Variants in TNN observed in about 807,000 individuals in gnomAD.
TNN encodes tenascin N.
Under a neutral mutation model 134.4 loss-of-function variants are expected in TNN, and 122 were observed. The ratio of observed to expected loss-of-function variants is 0.91; its 90% CI spans 0.78 to 1.06. TNN has a LOEUF of 1.06. Among genes scored for constraint, TNN ranks in the 50% least tolerant of loss-of-function variants. TNN has a pLI of 0.00. For missense variants in TNN, 1,739 were observed against 1,699.4 expected (o/e 1.02, Z -0.41); for synonymous variants, 710 against 670.3 (o/e 1.06, Z -0.91).
At chr1:175,116,916 T>G in intron 9 of TNN, 23 bp from the exon 10 acceptor site, 1 of 1,614,230 alleles carries the variant, frequency 6.2e-7, no homozygotes, top group Middle Eastern at 1.6e-4. Context: ...TAGTGTTCAT[T>G]GATCAGCAAT....
Position 175,117,039 on chromosome 1 carries a change from G to A in TNN, c.2220G>A (p.Val740=). The change falls in exon 10 of 19, where the codon GTG becomes GTA. Residue 740 remains valine (V), a synonymous_variant. Coordinates refer to ENST00000239462, the MANE Select transcript of TNN (RefSeq NM_022093.2). The part of the protein sequence containing the change: ...PVRATIDRYV[V]RYTSAKDGET... ...GGGCCACCATTGACAGGTATGTGGT[G>A]CGCTACACCTCTGCCAAGGACGGAG... The A allele has an allele frequency of 6.2e-7, 1 of 1,614,218 alleles. No homozygotes were observed. Among genetic ancestry groups the A allele is most frequent in the East Asian group, 2.2e-5 (1 of 44,880 alleles).
chr1:175,125,704 TC>T (rs1675497517), intron 12 of TNN, among the ~76,000 whole-genome samples: 2 of 5,840 alleles, frequency 3.4e-4, no homozygotes, highest in Non-Finnish European at 3.8e-4. Flanking sequence ...CTTTTTTCTC[TC>T]TTTCTTTCTT....
chr1:175,083,584 C>T (rs1254036347), intron 4 of TNN, among the ~76,000 whole-genome samples, 166 bp from the exon 5 acceptor site: 1 of 152,228 alleles, frequency 6.6e-6, no homozygotes, highest in Non-Finnish European at 1.5e-5. Flanking sequence ...AGCTTAGTTG[C>T]TACTTTGGTA....
At chr1:175,095,192 T>G (rs1450054686) in intron 7 of TNN, among the ~76,000 whole-genome samples, 1 of 152,182 alleles carries the variant, frequency 6.6e-6, no homozygotes, top group Middle Eastern at 3.2e-3. Context: ...TGGGCCTCAA[T>G]AGTTGACCTC....
intron 17 of TNN, among the ~76,000 whole-genome samples, chr1:175,139,355 T>A (rs933665187): frequency 1.3e-5 from 2 of 151,758 alleles, no homozygotes; most frequent in Non-Finnish European, 2.9e-5. Context: ...ATTCTGTAAG[T>A]TTTTTTTTCT....
intron 15 of TNN, among the ~76,000 whole-genome samples, chr1:175,134,565 CA>C (rs1416110566): frequency 6.6e-6 from 1 of 150,568 alleles, no homozygotes; most frequent in Non-Finnish European, 1.5e-5. Flanking sequence ...CAAACAACAA[CA>C]ACAACAAAAA....
chr1:175,132,654 C>G (rs1292147066), intron 15 of TNN, among the ~76,000 whole-genome samples: 1 of 152,152 alleles, frequency 6.6e-6, no homozygotes, highest in East Asian at 1.9e-4. Context: ...TCTTCTCTTC[C>G]CTTCCATTCC....
chr1:175,123,526 C>G lies in TNN; in HGVS notation c.2777C>G (p.Thr926Ser), dbSNP rs148428572. 2.2e-5 allele frequency: 35 copies of G among 1,614,026 alleles called. No individual in the cohort carries two copies. The highest frequency in any genetic ancestry group is 3.0e-5 in the Non-Finnish European group (35 of 1,179,930). ...MVRYTSADGE[T>S]REVPVGKEHS... ...CGCTACACCTCTGCTGACGGAGAGACCAGGGAGGTTCCGGTGGGGAAGGAG... is the reference window on the plus strand; with the variant it reads ...CGCTACACCTCTGCTGACGGAGAGAGCAGGGAGGTTCCGGTGGGGAAGGAG... The change falls in exon 12 of 19, where the codon ACC (threonine) becomes AGC (serine). Residue 926 changes from threonine to serine, a missense_variant. By Grantham distance (58) the Thr-to-Ser change is moderately conservative. Transcript: ENST00000239462.
rs191618105 is a variant in TNN, at chr1:175,068,856, C to T, written c.-36+921C>T. On this transcript the variant is annotated intron_variant, in intron 1 of 18. Coordinates refer to ENST00000239462, the MANE Select transcript of TNN (RefSeq NM_022093.2). ...CTGGGAGGTGGAGGTTGCGGTGAGC[C>T]GAGATTGAACCATTGCACTCCAGCC... Among the ~76,000 whole-genome samples the T allele has an allele frequency of 3.7e-3, 562 of 152,116 alleles. 3 individuals carry two copies. The highest frequency in any genetic ancestry group is 9.0e-3 in the African/African-American group (372 of 41,498).
In TNN at chr1:175,138,348, A is replaced by G. The variant is rs1343156644; in HGVS notation, c.3595+1360A>G. Among the ~76,000 whole-genome samples the G allele has an allele frequency of 4.6e-5, 7 of 152,354 alleles. No individual in the cohort carries two copies. The East Asian group carries it at 1.3e-3, about 29-fold the overall frequency. On this transcript the variant is annotated intron_variant, in intron 17 of 18. Coordinates refer to ENST00000239462, the MANE Select transcript of TNN (RefSeq NM_022093.2). ...GAGTTTAAAAAATGAAATTGCTAGC[A>G]GGACTTTTCTATATACATAATCTTA...
At chr1:175,083,660 G>A in intron 4 of TNN, 90 bp from the exon 5 acceptor site, 2 of 1,240,586 alleles carry the variant, frequency 1.6e-6, no homozygotes, top group Non-Finnish European at 2.2e-6. Context: ...GTCAAGAAAG[G>A]GAGCTGACCT....
chr1:175,141,133 C>A (rs1274510232), intron 17 of TNN, among the ~76,000 whole-genome samples: 5 of 152,176 alleles, frequency 3.3e-5, no homozygotes, highest in Non-Finnish European at 7.3e-5. Flanking sequence ...AGTCCATTTT[C>A]CCTTCATGAA....
rs1256078600 is a variant in TNN, at chr1:175,071,823, G to A, written c.-36+3888G>A. ...ATTAAATGAGGATAATTTTTATAGC[G>A]TTTGGCACAATGTCCATTATCTAAT... On this transcript the variant is annotated intron_variant, in intron 1 of 18. Coordinates refer to ENST00000239462, the MANE Select transcript of TNN (RefSeq NM_022093.2). Among the ~76,000 whole-genome samples the A allele has an allele frequency of 2.0e-5, 3 of 152,158 alleles. No individual in the cohort carries two copies. In the East Asian group the frequency reaches 5.8e-4, roughly 29 times the overall value.
chr1:175,108,516 T>C (rs1213087009), intron 9 of TNN, among the ~76,000 whole-genome samples: 4 of 152,164 alleles, frequency 2.6e-5, no homozygotes, highest in African/African-American at 9.7e-5. Flanking sequence ...GGGATGGTAT[T>C]CGTTGGGGAG....
rs1402597417 is a variant in TNN at position 175,083,901 on chromosome 1, G to C, written c.1200G>C (p.Lys400Asn). Reference sequence around the variant, plus strand: ...AGGTAGCTGAGGTCACTGTGCCCAAGAGCAGTGACCCCAAGAGCCGATATG... The same window carrying C: ...AGGTAGCTGAGGTCACTGTGCCCAACAGCAGTGACCCCAAGAGCCGATATG... ...GQEVAEVTVP[K>N]SSDPKSRYDI... Residue 400 changes from lysine to asparagine, a missense_variant, in exon 5 of 19, where the codon AAG (lysine) becomes AAC (asparagine). Physicochemically the swap from Lys to Asn is moderately conservative, Grantham distance 94. Coordinates refer to ENST00000239462, the MANE Select transcript of TNN (RefSeq NM_022093.2). The C allele has an allele frequency of 1.2e-6, 2 of 1,614,144 alleles. No individual in the cohort carries two copies. Among genetic ancestry groups the C allele is most frequent in the East Asian group, 2.2e-5 (1 of 44,864 alleles).
intron 6 of TNN, among the ~76,000 whole-genome samples, chr1:175,087,311 A>T (rs934120660): frequency 9.2e-5 from 14 of 152,208 alleles, no homozygotes; most frequent in African/African-American, 2.9e-4. Context: ...TTGGAAGAGA[A>T]AGGAGCAGGT....
Position 175,083,934 on chromosome 1 carries a change from T to A in TNN, c.1233T>A (p.Thr411=). 6.2e-7 allele frequency: 1 copy of A among 1,613,630 alleles called. No individual in the cohort carries two copies. Among genetic ancestry groups the A allele is most frequent in the Non-Finnish European group, 8.5e-7 (1 of 1,179,816 alleles). ...SSDPKSRYDI[T]GLHPGTEYKI... Reference sequence around the variant, plus strand: ...ACCCCAAGAGCCGATATGACATCACTGGTAAGAGCCATCACTGGAATGTGA... The same window carrying A: ...ACCCCAAGAGCCGATATGACATCACAGGTAAGAGCCATCACTGGAATGTGA... Residue 411 remains threonine (T), a splice_region_variant and synonymous_variant, in exon 5 of 19, where the codon ACT becomes ACA. Coordinates refer to ENST00000239462, the MANE Select transcript of TNN (RefSeq NM_022093.2).
intron 15 of TNN, among the ~76,000 whole-genome samples, chr1:175,135,403 G>A (rs757189255): frequency 2.0e-5 from 3 of 151,990 alleles, no homozygotes; most frequent in Admixed American, 2.0e-4. Flanking sequence ...TTAAGAATCA[G>A]GTGAATTAAA....
chr1:175,098,687 TTATGGAAGAGCAGGTTGG>T, intron 9 of TNN, 92 bp downstream of exon 9: 1 of 1,567,624 alleles, frequency 6.4e-7, no homozygotes. Flanking sequence ...AAGGGGGACT[TTATGGAAGAGCAGGTTGG>T]TATCCTCCCA....
Sources: gnomAD v4.1 joint callset for allele counts (sites outside exome capture counted in the v4.1 genomes callset) on GRCh38, gnomAD v4.1.1 for gene constraint, MANE v1.5 for transcripts, NCBI Gene and HGNC (gene_info 2026-07-23, HGNC 2026-07-21) for gene names.